PIEZO1: variants seen among roughly 807,000 people sequenced by gnomAD.
PIEZO1 encodes piezo-type mechanosensitive ion channel component 1.
PIEZO1 carries 296 observed loss-of-function variants against 297.2 expected under a neutral mutation model. The ratio of observed to expected loss-of-function variants is 1.00; its 90% CI spans 0.91 to 1.10. The LOEUF is 1.10. PIEZO1 is among the 50% of genes least tolerant of loss of function. The pLI is 0.00. For synonymous variants in PIEZO1, 2,427 were observed against 1,507.5 expected (o/e 1.61, Z -14.13); for missense variants, 5,018 against 3,455.5 (o/e 1.45, Z -11.34).
At chr16:88,765,072 G>A (rs1440912408) in intron 1 of PIEZO1, among the ~76,000 whole-genome samples, 2 of 152,250 alleles carry the variant, frequency 1.3e-5, no homozygotes, top group East Asian at 3.8e-4. Flanking sequence ...ATGGGGTGCT[G>A]ACTCAGAGCC....
intron 1 of PIEZO1, among the ~76,000 whole-genome samples, chr16:88,779,905 G>A (rs184171373): frequency 1.3e-5 from 2 of 152,342 alleles, no homozygotes; most frequent in East Asian, 3.9e-4. Flanking sequence ...GAGCCTTCCG[G>A]GGGGGACGGC....
intron 31 of PIEZO1, among the ~76,000 whole-genome samples, 173 bp downstream of exon 31, chr16:88,723,698 T>C (rs113546256): frequency 2.0e-5 from 3 of 152,352 alleles, no homozygotes; most frequent in African/African-American, 4.8e-5. Context: ...CATGTCCCTG[T>C]AGCCTGGTTT....
rs1486196004 is a variant in PIEZO1 at position 88,722,642 on chromosome 16, C to T, written c.4716G>A (p.Gln1572=). 1.3e-6 allele frequency: 2 copies of T among 1,538,524 alleles called. No individual in the cohort carries two copies. The highest frequency in any genetic ancestry group is 1.7e-6 in the Non-Finnish European group (2 of 1,146,266). The part of the protein sequence containing the change: ...RGVLDQLYTS[Q]AEATLPGPTE... ...TGGGGCCTGGCAGCGTGGCCTCGGCCTGGCTTGTGTACAGCTGATCCAGCA... is the reference window on the plus strand; with the variant it reads ...TGGGGCCTGGCAGCGTGGCCTCGGCTTGGCTTGTGTACAGCTGATCCAGCA... Residue 1572 remains glutamine (Q), a synonymous_variant, in exon 35 of 51, where the codon CAG becomes CAA. Coordinates refer to ENST00000301015, the MANE Select transcript of PIEZO1 (RefSeq NM_001142864.4).
intron 12 of PIEZO1, 78 bp downstream of exon 12, chr16:88,736,070 A>C: frequency 7.2e-7 from 1 of 1,380,086 alleles, no homozygotes; most frequent in Non-Finnish European, 9.7e-7. Context: ...TCCCCCGGGC[A>C]AGTGGACATT....
Position 88,721,919 on chromosome 16 carries a change from G to A in PIEZO1, c.5103C>T (p.Val1701=). Residue 1701 remains valine, a synonymous_variant, in exon 37 of 51, where the codon GTC becomes GTT. Coordinates refer to ENST00000301015, the MANE Select transcript of PIEZO1 (RefSeq NM_001142864.4). The part of the protein sequence containing the change: ...CYFIIILNHM[V]TASAGSLVLP... ...GCACCAGCGAGCCGGCGGAGGCCGT[G>A]ACCATGTGGTTGAGGATGATGATGA... The A allele has an allele frequency of 7.7e-6, 12 of 1,550,200 alleles. No individual in the cohort carries two copies. Among genetic ancestry groups the A allele is most frequent in the South Asian group, 1.2e-5 (1 of 84,060 alleles).
intron 22 of PIEZO1, among the ~76,000 whole-genome samples, chr16:88,729,976 T>G (rs1007891140): frequency 1.3e-5 from 2 of 152,276 alleles, no homozygotes; most frequent in African/African-American, 4.8e-5. Context: ...GGATGGCGAC[T>G]GCATGGCGCA....
At chr16:88,778,862 G>A (rs1368927203) in intron 1 of PIEZO1, among the ~76,000 whole-genome samples, 2 of 152,172 alleles carry the variant, frequency 1.3e-5, no homozygotes, top group Non-Finnish European at 2.9e-5. Context: ...CGAGGCACAA[G>A]GCTGTGGCCC....
At chr16:88,743,897 G>A (rs1567680119) in intron 2 of PIEZO1, 1 of 309,158 alleles carries the variant, frequency 3.2e-6, no homozygotes. Flanking sequence ...CAGGGAGAGT[G>A]GGAAGGAGGA....
chr16:88,757,651 C>T (rs986630835), intron 1 of PIEZO1, among the ~76,000 whole-genome samples: 41 of 152,114 alleles, frequency 2.7e-4, no homozygotes, highest in African/African-American at 9.7e-4. Context: ...CAGGAGAGCC[C>T]GAGGGTTGGA....
chr16:88,743,157 C>A (rs772080793), intron 2 of PIEZO1: 2 of 455,638 alleles, frequency 4.4e-6, no homozygotes, highest in South Asian at 1.6e-5. Flanking sequence ...TGGACTCAGC[C>A]CCCCAGCAGG....
At chr16:88,748,559 G>A (rs1906194075) in intron 2 of PIEZO1, among the ~76,000 whole-genome samples, 3 of 151,694 alleles carry the variant, frequency 2.0e-5, no homozygotes, top group Admixed American at 2.0e-4. Context: ...CGGGAGGGCG[G>A]TCCAGGCGGC....
At chr16:88,756,648 G>A (rs750332396) in intron 1 of PIEZO1, among the ~76,000 whole-genome samples, 4 of 152,130 alleles carry the variant, frequency 2.6e-5, no homozygotes, top group Non-Finnish European at 5.9e-5. Flanking sequence ...GGTGCCTGTA[G>A]TCCCAGCTAC....
chr16:88,723,017 A>G lies in PIEZO1; in HGVS notation c.4496-8T>C. On this transcript the variant is annotated splice_polypyrimidine_tract_variant and splice_region_variant and intron_variant, in intron 33 of 50. Transcript: ENST00000301015. ...GCACCACATGGCTCCGGCCTGCGGGAGGGCGGGAGGGGGCGCTGGAGGGGC... is the reference window on the plus strand; with the variant it reads ...GCACCACATGGCTCCGGCCTGCGGGGGGGCGGGAGGGGGCGCTGGAGGGGC... 1.2e-6 allele frequency: 1 copy of G among 835,574 alleles called. No homozygotes were observed. 51.8% of individuals were successfully genotyped at this position (835,574 alleles called of 1,614,324 possible). A position where few individuals can be genotyped will look rare whatever the true frequency, so the allele number is the denominator to read the frequency against.
At position 88,715,625 on chromosome 16, in the gene PIEZO1, A is replaced by G. The variant is rs973148096; in HGVS notation, c.7546T>C (p.Trp2516Arg). The change falls in exon 51 of 51, where the codon TGG becomes CGG. Residue 2516 changes from tryptophan (W) to arginine (R), a missense_variant. Transcript: ENST00000301015. Reference sequence around the variant, plus strand: ...AGCTCCTACTCCTTCTCACGAGTCCACTTGATCATGGTCTCCGGTGAGCGG... The same window carrying G: ...AGCTCCTACTCCTTCTCACGAGTCCGCTTGATCATGGTCTCCGGTGAGCGG... ...LYRSPETMIKWTREKE is the reference protein window; with the variant it reads ...LYRSPETMIKRTREKE 4.5e-6 allele frequency: 7 copies of G among 1,549,786 alleles called. No individual in the cohort carries two copies. The highest frequency in any genetic ancestry group is 2.7e-5 in the African/African-American group (2 of 72,964).
intron 22 of PIEZO1, among the ~76,000 whole-genome samples, chr16:88,730,259 C>G (rs1437192113): frequency 1.3e-5 from 2 of 152,190 alleles, no homozygotes; most frequent in South Asian, 2.1e-4. Context: ...AAGGCTGGGC[C>G]TGGGTAGCAG....
intron 1 of PIEZO1, among the ~76,000 whole-genome samples, chr16:88,759,773 C>T (rs1355586179): frequency 3.3e-5 from 5 of 152,206 alleles, no homozygotes; most frequent in Non-Finnish European, 5.9e-5. Context: ...AGCCCGCCCC[C>T]AGACGCCCCG....
chr16:88,725,921 C>T lies in PIEZO1; in HGVS notation c.3969-237G>A, dbSNP rs1904391768. The T allele has an allele frequency of 5.2e-6, 3 of 573,222 alleles. No homozygotes were observed. In the South Asian group the frequency reaches 6.4e-5, roughly 12 times the overall value. The allele number at this position is 573,222 out of a possible 1,614,324, so 35.5% of individuals were successfully genotyped here. A position where few individuals can be genotyped will look rare whatever the true frequency, so the allele number is the denominator to read the frequency against. ...TCTGGTGGCACCCACCCCACCACAG[C>T]TGCAGGGAAGAAGGCAAAGCTGGCC... On this transcript the variant is annotated intron_variant, in intron 27 of 50. Coordinates refer to ENST00000301015, the MANE Select transcript of PIEZO1 (RefSeq NM_001142864.4).
rs116097848 is a variant in PIEZO1 at position 88,747,713 on chromosome 16, G to A, written c.160+1671C>T. Among the ~76,000 whole-genome samples, 1,005 of 152,342 alleles carry A rather than the reference G, an allele frequency of 6.6e-3. 11 individuals carry two copies. The highest frequency in any genetic ancestry group is 0.022 in the African/African-American group (933 of 41,572). On this transcript the variant is annotated intron_variant, in intron 2 of 50. Coordinates refer to ENST00000301015, the MANE Select transcript of PIEZO1 (RefSeq NM_001142864.4). The stretch of plus-strand genomic sequence containing the variant: ...CGCAGAAGCTCACATGCAGAGGCGA[G>A]TCCAGGCAGCAGAGGAAATGGGGGC...
At chr16:88,733,225 G>C in intron 19 of PIEZO1, 53 bp downstream of exon 19, 2 of 1,491,252 alleles carry the variant, frequency 1.3e-6, no homozygotes, top group African/African-American at 1.4e-5. Context: ...GTCGGGCTGC[G>C]AATACAGAGT....
Sources: gnomAD v4.1 joint callset for allele counts (sites outside exome capture counted in the v4.1 genomes callset) on GRCh38, gnomAD v4.1.1 for gene constraint, MANE v1.5 for transcripts, NCBI Gene and HGNC (gene_info 2026-07-23, HGNC 2026-07-21) for gene names.